The following EDA variants were observed in gnomAD, a reference collection of about 807,000 sequenced individuals.
The protein encoded by EDA is ectodysplasin-A.
A neutral mutation model predicts 23.6 loss-of-function variants in EDA; 2 were observed. The observed-to-expected ratio is 0.08, with a 90% confidence interval of 0.03 to 0.27. The LOEUF is 0.27. Ranked by LOEUF, EDA falls within the 10% of genes least tolerant of loss-of-function variation. The pLI is 1.00. For synonymous variants in EDA, 131 were observed against 132.0 expected (o/e 0.99, Z 0.05); for missense variants, 229 against 324.2 (o/e 0.71, Z 2.26).
At chrX:69,973,342 G>A (rs1164288861) in intron 2 of EDA, among the ~76,000 whole-genome samples, 1 of 111,495 alleles carries the variant, frequency 9.0e-6, no homozygotes, top group African/African-American at 3.3e-5. Context: ...AAATGTCTTA[G>A]CATTCTCAAA....
At position 70,036,669 on chromosome X, in the gene EDA, C is replaced by G. The variant is rs773129989; in HGVS notation, c.*1060C>G. 8.0e-5 allele frequency: 9 copies of G among 112,902 alleles called. No homozygotes were observed. The highest frequency in any genetic ancestry group is 3.7e-5 in the Non-Finnish European group (2 of 53,380). 9.3% of individuals were successfully genotyped at this position (112,902 alleles called of 1,213,427 possible). On this transcript the variant is annotated 3_prime_UTR_variant, in exon 8 of 8. Transcript: ENST00000374552. ...TTTCTAGTACCTGTGACTCTTAGCCCTCACCACAGCCTTCTAAATTCCCAA... is the reference window on the plus strand; with the variant it reads ...TTTCTAGTACCTGTGACTCTTAGCCGTCACCACAGCCTTCTAAATTCCCAA...
intron 1 of EDA, among the ~76,000 whole-genome samples, chrX:69,667,464 T>A (rs1933725778): frequency 9.0e-6 from 1 of 111,305 alleles, no homozygotes; most frequent in Non-Finnish European, 1.9e-5. Flanking sequence ...TCACTTTCAT[T>A]CTATTTGAGC....
chrX:70,031,382 C>A (rs2020197649), intron 6 of EDA, among the ~76,000 whole-genome samples: 1 of 111,712 alleles, frequency 9.0e-6, no homozygotes, highest in Admixed American at 9.5e-5. Context: ...TTTTCTTCCC[C>A]CAAAGAAACA....
rs1488354982 is a variant in EDA, at chrX:69,616,554, C to T, written c.246C>T (p.Gly82=). Reference sequence around the variant, plus strand: ...CCGAGTCCCGCCTTGGCGGCTCGGGCACCCCTGGCACCTCTGGCACCCTAA... The same window carrying T: ...CCGAGTCCCGCCTTGGCGGCTCGGGTACCCCTGGCACCTCTGGCACCCTAA... ...RGAESRLGGS[G]TPGTSGTLSS... is the part of the protein sequence containing the mutation. Residue 82 remains glycine, a synonymous_variant, in exon 1 of 8, where the codon GGC becomes GGT. Transcript: ENST00000374552. The T allele has an allele frequency of 8.3e-7, 1 of 1,209,685 alleles. No individual in the cohort carries two copies. Among genetic ancestry groups the T allele is most frequent in the East Asian group, 3.0e-5 (1 of 33,699 alleles).
At chrX:69,867,567 C>G (rs943425608) in intron 1 of EDA, among the ~76,000 whole-genome samples, 14 of 112,356 alleles carry the variant, frequency 1.2e-4, no homozygotes, top group African/African-American at 4.5e-4. Context: ...TAGCATTGCT[C>G]GAAGTTCTAC....
intron 1 of EDA, among the ~76,000 whole-genome samples, chrX:69,932,939 C>CTTT (rs751812350): frequency 0.01 from 1,071 of 102,083 alleles, 14 homozygotes; most frequent in African/African-American, 0.037. Flanking sequence ...AGTTCCTCTT[C>CTTT]TTTTTTTTTT....
intron 1 of EDA, among the ~76,000 whole-genome samples, chrX:69,786,991 T>C (rs1253985138): frequency 9.8e-6 from 1 of 101,940 alleles, no homozygotes; most frequent in African/African-American, 3.4e-5. Flanking sequence ...TGGGTGCATA[T>C]ATATTTAGGA....
intron 1 of EDA, among the ~76,000 whole-genome samples, chrX:69,634,589 G>A (rs1932723796): frequency 9.0e-6 from 1 of 111,236 alleles, no homozygotes; most frequent in Non-Finnish European, 1.9e-5. Context: ...AGAGTGCTGG[G>A]ATTACAGACA....
chrX:69,649,573 G>A (rs1320673579), intron 1 of EDA, among the ~76,000 whole-genome samples: 1 of 106,597 alleles, frequency 9.4e-6, no homozygotes, highest in Admixed American at 1.0e-4. Context: ...TACCCTTGTA[G>A]TATGTGAAAT....
chrX:69,679,689 C>T (rs1355132629), intron 1 of EDA, among the ~76,000 whole-genome samples: 25 of 111,065 alleles, frequency 2.3e-4, no homozygotes, highest in South Asian at 1.5e-3. Context: ...TTTTTTATTG[C>T]GTCTATTTGA....
At chrX:69,760,594 C>T (rs2014279935) in intron 1 of EDA, among the ~76,000 whole-genome samples, 2 of 111,871 alleles carry the variant, frequency 1.8e-5, no homozygotes, top group Non-Finnish European at 3.8e-5. Flanking sequence ...CTGCCTTATT[C>T]CAGCAAGGAT....
chrX:70,004,731 T>C (rs949553927), intron 2 of EDA, among the ~76,000 whole-genome samples: 1 of 111,877 alleles, frequency 8.9e-6, no homozygotes, highest in Non-Finnish European at 1.9e-5. Flanking sequence ...CTTTACTAAC[T>C]GGTACTGAAT....
chrX:69,663,078 T>C (rs1933563943), intron 1 of EDA, among the ~76,000 whole-genome samples: 1 of 112,446 alleles, frequency 8.9e-6, no homozygotes, highest in Non-Finnish European at 1.9e-5. Context: ...AATTTGTAGC[T>C]GGATGATGCG....
At chrX:69,976,871 G>A (rs1453204069) in intron 2 of EDA, among the ~76,000 whole-genome samples, 1 of 110,782 alleles carries the variant, frequency 9.0e-6, no homozygotes, top group Non-Finnish European at 1.9e-5. Flanking sequence ...CATTAATATA[G>A]AAATAGCTAT....
At position 69,719,106 on chromosome X, in the gene EDA, C is replaced by G. The variant is rs757066795; in HGVS notation, c.396+102402C>G. Among the ~76,000 whole-genome samples, 6 of 110,479 alleles carry G rather than the reference C, an allele frequency of 5.4e-5. No homozygotes were observed. In the Admixed American group the frequency reaches 5.8e-4, roughly 11 times the overall value. ...AGCATAAAGTTATTCATAGTATGCC[C>G]TTATATTTTTAATGGTTGTAGGATC... On this transcript the variant is annotated intron_variant, in intron 1 of 7. Coordinates refer to ENST00000374552, the MANE Select transcript of EDA (RefSeq NM_001399.5).
At chrX:69,707,398 G>T (rs951548345) in intron 1 of EDA, among the ~76,000 whole-genome samples, 8 of 112,018 alleles carry the variant, frequency 7.1e-5, no homozygotes, top group Non-Finnish European at 1.1e-4. Flanking sequence ...AGGAAATAGT[G>T]CAGGACAAAG....
chrX:69,726,468 C>T (rs189161020), intron 1 of EDA, among the ~76,000 whole-genome samples: 1 of 112,321 alleles, frequency 8.9e-6, no homozygotes, highest in Non-Finnish European at 1.9e-5. Flanking sequence ...ATCTGTCCTT[C>T]ACCACCTGCC....
intron 1 of EDA, among the ~76,000 whole-genome samples, chrX:69,760,194 G>A (rs868452542): frequency 3.5e-4 from 2 of 5,663 alleles, no homozygotes; most frequent in Non-Finnish European, 6.3e-4. Context: ...AAGCTCTTTT[G>A]TACAAAAAAA....
intron 1 of EDA, among the ~76,000 whole-genome samples, chrX:69,877,371 G>C (rs1038305851): frequency 1.8e-5 from 2 of 111,641 alleles, no homozygotes; most frequent in African/African-American, 6.5e-5. Flanking sequence ...CCATCTCTTC[G>C]TACTGTTCAT....
Sources: allele counts gnomAD v4.1 joint callset (sites outside exome capture counted in the v4.1 genomes callset), GRCh38; gene constraint gnomAD v4.1.1; transcripts MANE v1.5; gene names NCBI Gene and HGNC (gene_info 2026-07-23, HGNC 2026-07-21).